CA12: variants seen among roughly 807,000 people sequenced by gnomAD.
CA12 encodes carbonate dehydratase XII.
CA12 carries 36 observed loss-of-function variants against 46.8 expected under a neutral mutation model. The observed-to-expected ratio is 0.77, with a 90% CI of 0.59 to 1.02. CA12 has a LOEUF of 1.02. Among genes scored for constraint, CA12 ranks in the 50% least tolerant of loss-of-function variants. The pLI, the probability that CA12 is intolerant of heterozygous loss-of-function variation, is 0.00. For missense variants in CA12, 436 were observed against 451.4 expected (o/e 0.97, Z 0.31); for synonymous variants, 202 against 187.0 (o/e 1.08, Z -0.65).
chr15:63,356,729 G>A (rs1029002327), intron 2 of CA12, among the ~76,000 whole-genome samples: 5 of 151,982 alleles, frequency 3.3e-5, no homozygotes, highest in East Asian at 1.9e-4. Flanking sequence ...CACCAGTCTC[G>A]ATCTCCTGAC....
chr15:63,368,976 G>A, intron 2 of CA12, among the ~76,000 whole-genome samples: 1 of 152,086 alleles, frequency 6.6e-6, no homozygotes, highest in South Asian at 2.1e-4. Flanking sequence ...CTGCTCTCTG[G>A]GAGACTTCAG....
intron 1 of CA12, among the ~76,000 whole-genome samples, chr15:63,380,963 G>C (rs958143007): frequency 6.6e-6 from 1 of 152,022 alleles, no homozygotes; most frequent in South Asian, 2.1e-4. Context: ...CAGTCCCTCA[G>C]CCTCCAGCCT....
Position 63,326,256 on chromosome 15 carries a change from C to T in CA12, c.*29G>A. On this transcript the variant is annotated 3_prime_UTR_variant, in exon 11 of 11. Transcript: ENST00000178638. ...GTGTAGGGTCCAAAGCAAGGTCCTT[C>T]CTGGATGTGCCCGGGAGCTCCGGGG... 1.3e-6 allele frequency: 2 copies of T among 1,597,090 alleles called. No individual in the cohort carries two copies. Among genetic ancestry groups the T allele is most frequent in the Non-Finnish European group, 1.7e-6 (2 of 1,164,610 alleles).
intron 2 of CA12, among the ~76,000 whole-genome samples, chr15:63,366,819 T>G (rs1385522519): frequency 6.6e-6 from 1 of 152,236 alleles, no homozygotes; most frequent in Non-Finnish European, 1.5e-5. Flanking sequence ...AGACTAAGGC[T>G]CTTTCTAGAT....
intron 2 of CA12, among the ~76,000 whole-genome samples, chr15:63,363,351 C>T (rs892711142): frequency 5.9e-5 from 9 of 152,188 alleles, no homozygotes; most frequent in Non-Finnish European, 1.0e-4. Context: ...CCCTGAGTCC[C>T]AGAGCCAAAA....
intron 1 of CA12, among the ~76,000 whole-genome samples, chr15:63,381,087 C>T (rs374563832): frequency 6.6e-6 from 1 of 151,908 alleles, no homozygotes; most frequent in South Asian, 2.1e-4. Flanking sequence ...TGCACACACA[C>T]GTACATTCAG....
intron 1 of CA12, chr15:63,379,056 A>C (rs567117343): frequency 6.6e-6 from 1 of 152,216 alleles, no homozygotes; most frequent in South Asian, 2.1e-4. Context: ...CACTCTGGAA[A>C]GCTCAGGGCT....
In CA12 at chr15:63,340,488, C is replaced by T. The variant is rs202075538; in HGVS notation, c.590-43G>A. Reference sequence around the variant, plus strand: ...AGAGGTGATAGTGTCAGCCTCCCTCCGTAGGGCATAAGTGCAGCTGAACAG... The same window carrying T: ...AGAGGTGATAGTGTCAGCCTCCCTCTGTAGGGCATAAGTGCAGCTGAACAG... On this transcript the variant is annotated intron_variant, in intron 6 of 10. Coordinates refer to ENST00000178638, the MANE Select transcript of CA12 (RefSeq NM_001218.5). This position sits in a 1 kb window ranked among gnomAD's most constrained non-coding sequence, Gnocchi z 4.4. The T allele has an allele frequency of 9.5e-4, 1,532 of 1,612,148 alleles. 2 individuals carry two copies. Among genetic ancestry groups the T allele is most frequent in the Non-Finnish European group, 1.2e-3 (1,421 of 1,178,184 alleles).
intron 2 of CA12, among the ~76,000 whole-genome samples, chr15:63,358,020 T>C (rs971572998): frequency 3.9e-5 from 6 of 152,276 alleles, no homozygotes; most frequent in Admixed American, 1.3e-4. Context: ...AGGGCCTTCA[T>C]GCCTTTTTAT....
At position 63,374,399 on chromosome 15, in the gene CA12, C is replaced by T. The variant is rs1007192672; in HGVS notation, c.106+1259G>A. ...CCTGACCATCTAGCCCTAGCACACT[C>T]GCCCTCCTTTGAGCACTCAGATCTC... On this transcript the variant is annotated intron_variant, in intron 2 of 10. Coordinates refer to ENST00000178638, the MANE Select transcript of CA12 (RefSeq NM_001218.5). This position sits in a 1 kb window ranked among gnomAD's most constrained non-coding sequence, Gnocchi z 4.4. Among the ~76,000 whole-genome samples, 2 of 152,178 alleles carry T rather than the reference C, an allele frequency of 1.3e-5. No homozygotes were observed. Among genetic ancestry groups the T allele is most frequent in the East Asian group, 1.9e-4 (1 of 5,190 alleles).
At chr15:63,369,294 T>G (rs1238017514) in intron 2 of CA12, among the ~76,000 whole-genome samples, 6 of 152,184 alleles carry the variant, frequency 3.9e-5, no homozygotes, top group African/African-American at 1.4e-4. Flanking sequence ...AGAGCTCTCA[T>G]GCGTTTGGTG....
chr15:63,339,872 G>T lies in CA12; in HGVS notation c.747+416C>A. ...GGCTAAGGATTTTGTTCCCCAGTTT[G>T]CACTAGACCTTGAGCTTCTTGGGGG... On this transcript the variant is annotated intron_variant, in intron 7 of 10. Transcript: ENST00000178638. This position sits in a 1 kb window ranked among gnomAD's most constrained non-coding sequence, Gnocchi z 4.3. The T allele has an allele frequency of 9.7e-6, 3 of 307,932 alleles. No individual in the cohort carries two copies. The highest frequency in any genetic ancestry group is 8.7e-5 in the South Asian group (3 of 34,624). 19.1% of individuals were successfully genotyped at this position (307,932 alleles called of 1,614,324 possible).
chr15:63,338,768 T>G, intron 8 of CA12, 51 bp downstream of exon 8: 1 of 1,611,314 alleles, frequency 6.2e-7, no homozygotes, highest in Non-Finnish European at 8.5e-7. Context: ...GATCCCAATG[T>G]CTTGGCACCA....
rs1258942001 is a variant in CA12 at position 63,374,534 on chromosome 15, A to G, written c.106+1124T>C. On this transcript the variant is annotated intron_variant, in intron 2 of 10. Transcript: ENST00000178638. The surrounding 1 kb of genome is among the most constrained non-coding windows in gnomAD (Gnocchi z 4.4). The stretch of plus-strand genomic sequence containing the variant: ...CAGCCTACCCTTCTATTACCCACCC[A>G]CTTAGCAATGTGCTGTGCACATAAT... 1.3e-5 allele frequency among the ~76,000 whole-genome samples: 2 copies of G among 152,148 alleles called. No homozygotes were observed. The highest frequency in any genetic ancestry group is 4.8e-5 in the African/African-American group (2 of 41,432).
intron 2 of CA12, among the ~76,000 whole-genome samples, chr15:63,357,009 G>T (rs2039303548): frequency 6.6e-6 from 1 of 152,188 alleles, no homozygotes; most frequent in African/African-American, 2.4e-5. Context: ...GCCGTAAAAA[G>T]GCTGATCTCA....
intron 2 of CA12, among the ~76,000 whole-genome samples, chr15:63,352,370 T>A (rs1371843663): frequency 2.6e-5 from 4 of 152,238 alleles, no homozygotes. Context: ...GTTTTTGTTT[T>A]TTATGAAGAG....
intron 2 of CA12, among the ~76,000 whole-genome samples, chr15:63,365,603 G>A (rs1272396668): frequency 6.6e-6 from 1 of 152,230 alleles, no homozygotes; most frequent in African/African-American, 2.4e-5. Context: ...GCAGAGACGG[G>A]CTTTCAGCCA....
rs1024476733 is a variant in CA12 at position 63,331,037 on chromosome 15, C to T, written c.875-2907G>A. ...GAGGAATGCCGGCGAGGGTGTCACC[C>T]GATAGTTCCACCACCTCAGGAAGCC... On this transcript the variant is annotated intron_variant, in intron 8 of 10. Coordinates refer to ENST00000178638, the MANE Select transcript of CA12 (RefSeq NM_001218.5). The surrounding 1 kb of genome is among the most constrained non-coding windows in gnomAD (Gnocchi z 5.3). 2.6e-5 allele frequency among the ~76,000 whole-genome samples: 4 copies of T among 152,220 alleles called. No homozygotes were observed. The highest frequency in any genetic ancestry group is 4.4e-5 in the Non-Finnish European group (3 of 68,046).
chr15:63,345,329 C>A lies in CA12; in HGVS notation c.429+148G>T. On this transcript the variant is annotated intron_variant, in intron 4 of 10. Coordinates refer to ENST00000178638, the MANE Select transcript of CA12 (RefSeq NM_001218.5). The surrounding 1 kb of genome is among the most constrained non-coding windows in gnomAD (Gnocchi z 4.3). The stretch of plus-strand genomic sequence containing the variant: ...GAGCTACAGGCTAGTGGAGTGGCTG[C>A]GCCCCTTGTGCCAGGGCCAGAGGTG... The A allele has an allele frequency of 1.1e-6, 1 of 904,316 alleles. No individual in the cohort carries two copies. Among genetic ancestry groups the A allele is most frequent in the Non-Finnish European group, 1.7e-6 (1 of 581,392 alleles). The allele number at this position is 904,316 out of a possible 1,614,324, so 56.0% of individuals were successfully genotyped here.
Sources: allele counts gnomAD v4.1 joint callset (sites outside exome capture counted in the v4.1 genomes callset), GRCh38; gene constraint gnomAD v4.1.1; non-coding constraint Gnocchi (gnomAD v3.1); transcripts MANE v1.5; gene names NCBI Gene and HGNC (gene_info 2026-07-23, HGNC 2026-07-21).